The following BFSP1 variants were observed in gnomAD, a reference collection of about 807,000 sequenced individuals.
BFSP1 encodes the protein beaded filament structural protein 1.
In BFSP1, 38 loss-of-function variants were observed where a neutral mutation model predicts 43.9. The observed-to-expected ratio is 0.87, with a 90% CI of 0.67 to 1.14. BFSP1 has a LOEUF of 1.14. Among genes scored for constraint, BFSP1 ranks in the 50% most tolerant of loss-of-function variants. The pLI, the probability that BFSP1 is intolerant of heterozygous loss-of-function variation, is 0.00. For missense variants in BFSP1, 850 were observed against 875.1 expected (o/e 0.97, Z 0.36); for synonymous variants, 352 against 354.8 (o/e 0.99, Z 0.09).
At chr20:17,564,473 CAT>C (rs1393645651) in intron 1 of BFSP1, among the ~76,000 whole-genome samples, 1 of 152,114 alleles carries the variant, frequency 6.6e-6, no homozygotes, top group Non-Finnish European at 1.5e-5. Flanking sequence ...ACCATATACA[CAT>C]ACACACACAC....
At chr20:17,549,514 C>T (rs919404772) in intron 1 of BFSP1, among the ~76,000 whole-genome samples, 3 of 152,132 alleles carry the variant, frequency 2.0e-5, no homozygotes, top group African/African-American at 2.4e-5. Flanking sequence ...AACTCTATCA[C>T]GAGAACAGCA....
At chr20:17,551,933 C>T (rs1234007541) in intron 1 of BFSP1, among the ~76,000 whole-genome samples, 2 of 151,122 alleles carry the variant, frequency 1.3e-5, no homozygotes, top group Non-Finnish European at 2.9e-5. Context: ...TGCAGTGAGC[C>T]GAGATCACAC....
chr20:17,524,173 T>C (rs900594728), intron 2 of BFSP1, among the ~76,000 whole-genome samples: 1 of 152,252 alleles, frequency 6.6e-6, no homozygotes, highest in Non-Finnish European at 1.5e-5. Context: ...TCCCTGGTTC[T>C]GTACAACCCT....
At chr20:17,520,215 C>A (rs1350823811) in intron 2 of BFSP1, among the ~76,000 whole-genome samples, 2 of 139,012 alleles carry the variant, frequency 1.4e-5, no homozygotes, top group African/African-American at 2.8e-5. Flanking sequence ...AACGTGCCCC[C>A]CCACCCCGCC....
chr20:17,511,021 AG>A (rs1276303321), intron 4 of BFSP1, among the ~76,000 whole-genome samples: 1 of 152,084 alleles, frequency 6.6e-6, no homozygotes, highest in Non-Finnish European at 1.5e-5. Flanking sequence ...TATGTTGTTC[AG>A]GCTGGTATTG....
intron 2 of BFSP1, chr20:17,517,211 T>G: frequency 1.1e-6 from 1 of 896,722 alleles, no homozygotes; most frequent in Non-Finnish European, 1.9e-6. Flanking sequence ...GCCCTTCTGA[T>G]GAATGTGGTG....
upstream of BFSP1, among the ~76,000 whole-genome samples, chr20:17,532,574 A>G (rs2123542190): frequency 6.6e-6 from 1 of 152,108 alleles, no homozygotes; most frequent in Non-Finnish European, 1.5e-5. Flanking sequence ...TAATTGGCCA[A>G]CCCTCAATTC....
At chr20:17,510,017 C>T (rs1365143747) in intron 4 of BFSP1, among the ~76,000 whole-genome samples, 1 of 152,196 alleles carries the variant, frequency 6.6e-6, no homozygotes, top group African/African-American at 2.4e-5. Flanking sequence ...GCTTCAAACA[C>T]CTTACAAAGT....
At chr20:17,541,216 A>T in intron 1 of BFSP1, 2 of 965,142 alleles carry the variant, frequency 2.1e-6, no homozygotes, top group Non-Finnish European at 2.5e-6. Context: ...AAAAAATAAT[A>T]ATTAGTGAAT....
intron 6 of BFSP1, among the ~76,000 whole-genome samples, chr20:17,498,127 G>C (rs2033700583): frequency 1.3e-5 from 2 of 152,162 alleles, no homozygotes; most frequent in African/African-American, 4.8e-5. Context: ...CCTCAGTTGT[G>C]GGGGGCTTCT....
chr20:17,504,494 C>G (rs1311069515), intron 5 of BFSP1, among the ~76,000 whole-genome samples: 1 of 152,120 alleles, frequency 6.6e-6, no homozygotes, highest in African/African-American at 2.4e-5. Flanking sequence ...TCTAGAAGGC[C>G]GCAGTCCAGC....
intron 2 of BFSP1, among the ~76,000 whole-genome samples, chr20:17,518,388 G>A (rs1466709865): frequency 4.6e-5 from 7 of 152,138 alleles, no homozygotes; most frequent in Non-Finnish European, 8.8e-5. Flanking sequence ...TTAATGATGG[G>A]TCCTCACATC....
chr20:17,541,535 G>A (rs969581419), intron 1 of BFSP1, among the ~76,000 whole-genome samples: 31 of 152,154 alleles, frequency 2.0e-4, no homozygotes, highest in Non-Finnish European at 4.1e-4. Flanking sequence ...TTAAGAAAGA[G>A]AACAGTGCAC....
chr20:17,538,138 AAG>A (rs1000888996), intron 1 of BFSP1, among the ~76,000 whole-genome samples: 2 of 147,406 alleles, frequency 1.4e-5, no homozygotes, highest in African/African-American at 5.0e-5. Context: ...AAAAAAAAGA[AAG>A]AGAGAAAGGA....
chr20:17,552,366 G>A (rs547551040), intron 1 of BFSP1, among the ~76,000 whole-genome samples: 3 of 152,292 alleles, frequency 2.0e-5, no homozygotes, highest in South Asian at 4.1e-4. Flanking sequence ...TGGGGCAGGT[G>A]AGGATAGAGT....
chr20:17,513,169 A>G (rs1488471896), intron 3 of BFSP1, among the ~76,000 whole-genome samples: 2 of 152,186 alleles, frequency 1.3e-5, no homozygotes, highest in African/African-American at 4.8e-5. Flanking sequence ...GATCATGAGA[A>G]GGCCACAGCT....
upstream of BFSP1, among the ~76,000 whole-genome samples, chr20:17,535,183 T>C (rs2034607040): frequency 6.6e-6 from 1 of 152,128 alleles, no homozygotes; most frequent in Admixed American, 6.5e-5. Flanking sequence ...TTACTGAAGT[T>C]TATGACTATG....
At chr20:17,533,153 G>C (rs144016316), upstream of BFSP1, among the ~76,000 whole-genome samples, 9 of 151,966 alleles carry the variant, frequency 5.9e-5, no homozygotes, top group Non-Finnish European at 1.0e-4. Context: ...AGTTCAAGAC[G>C]AGCCTTGGCA....
intron 6 of BFSP1, among the ~76,000 whole-genome samples, chr20:17,497,459 T>TACATACAC (rs1555800561): frequency 7.6e-5 from 11 of 144,932 alleles, no homozygotes; most frequent in African/African-American, 2.1e-4. Context: ...TATATATATA[T>TACATACAC]ACACACACAC....
Sources: allele counts gnomAD v4.1 joint callset (sites outside exome capture counted in the v4.1 genomes callset), GRCh38; gene constraint gnomAD v4.1.1; transcripts MANE v1.5; gene names NCBI Gene and HGNC (gene_info 2026-07-23, HGNC 2026-07-21).